The following CFI variants were observed in gnomAD, a reference collection of about 807,000 sequenced individuals.
CFI encodes the protein C3B/C4B inactivator.
CFI carries 66 observed loss-of-function variants against 78.8 expected under a neutral mutation model. The observed-to-expected ratio is 0.84, with a 90% CI of 0.69 to 1.03. CFI has a LOEUF of 1.03. Among genes scored for constraint, CFI ranks in the 50% least tolerant of loss-of-function variants. The probability of loss-of-function intolerance (pLI) is 0.00; values close to 1 mark genes in which losing one functional copy is unlikely to be tolerated. For synonymous variants in CFI, 250 were observed against 232.6 expected (o/e 1.07, Z -0.68); for missense variants, 706 against 704.5 (o/e 1.00, Z -0.02).
the CFI span, among the ~76,000 whole-genome samples, chr4:109,732,031 C>CAACTCTTCTTCAGAGA: frequency 6.6e-6 from 1 of 152,004 alleles, no homozygotes; most frequent in South Asian, 2.1e-4. Context: ...TTGGTTCTTA[C>CAACTCTTCTTCAGAGA]AACTCCCTAG....
chr4:109,778,253 A>G (rs888302157), intron 1 of CFI, among the ~76,000 whole-genome samples: 8 of 152,198 alleles, frequency 5.3e-5, no homozygotes, highest in Non-Finnish European at 4.4e-5. Context: ...AATAAAGAAG[A>G]AAAGAGAAGA....
In CFI at chr4:109,764,639, A is replaced by G. The variant is rs1560544544; in HGVS notation, c.380T>C (p.Val127Ala). 5 of 1,614,096 alleles carry G rather than the reference A, an allele frequency of 3.1e-6. No individual in the cohort carries two copies. The highest frequency in any genetic ancestry group is 1.7e-5 in the Admixed American group (1 of 60,012). ...KHGNTDSEGI[V>A]EVKLVDQDKT... ...ATCTTGGTCCACAAGTTTTACTTCA[A>G]CTATTCCCTCTGAATCTGTATTTCC... is the stretch of plus-strand genomic sequence containing the variant. Residue 127 changes from valine to alanine, a missense_variant, in exon 3 of 13, where the codon GTT becomes GCT. Transcript: ENST00000394634.
intron 1 of CFI, among the ~76,000 whole-genome samples, chr4:109,769,622 A>G (rs1579246917): frequency 6.6e-6 from 1 of 152,162 alleles, no homozygotes; most frequent in Non-Finnish European, 1.5e-5. Context: ...TACTGGGGAC[A>G]TTTGATGTCA....
downstream of CFI, among the ~76,000 whole-genome samples, chr4:109,735,747 G>A (rs1723337883): frequency 6.6e-6 from 1 of 152,218 alleles, no homozygotes; most frequent in Non-Finnish European, 1.5e-5. Context: ...GGGTAAAGCA[G>A]GAGGATCTTT....
chr4:109,775,891 C>G (rs562981812), intron 1 of CFI, among the ~76,000 whole-genome samples: 2 of 152,290 alleles, frequency 1.3e-5, no homozygotes, highest in South Asian at 4.1e-4. Flanking sequence ...TAGTGGACCT[C>G]CAGCAAACTC....
the CFI span, among the ~76,000 whole-genome samples, chr4:109,732,578 C>T: frequency 3.3e-5 from 5 of 152,242 alleles, no homozygotes; most frequent in African/African-American, 1.2e-4. Flanking sequence ...AAGGTGATGG[C>T]CGGGTGCGGT....
chr4:109,739,931 A>T (rs531241542), downstream of CFI, among the ~76,000 whole-genome samples: 11 of 152,312 alleles, frequency 7.2e-5, no homozygotes, highest in Middle Eastern at 3.4e-3. Context: ...GGATAGGTTT[A>T]GAGAGAGGGT....
intron 1 of CFI, among the ~76,000 whole-genome samples, chr4:109,795,048 A>C (rs1430295597): frequency 6.6e-6 from 1 of 152,166 alleles, no homozygotes; most frequent in Non-Finnish European, 1.5e-5. Flanking sequence ...TATGAGAAAA[A>C]ATTGAAAGGA....
Position 109,746,443 on chromosome 4 carries a change from T to C in CFI, c.1208A>G (p.Asp403Gly). The change falls in exon 11 of 13, where the codon GAC becomes GGC. Residue 403 changes from aspartate to glycine, a missense_variant. Coordinates refer to ENST00000394634, the MANE Select transcript of CFI (RefSeq NM_000204.5). ...GTATTCAATTACTATACGTTTAAGG[T>C]CGGGGTGTATCCAGTCTACTACTGT... ...WTTVVDWIHP[D>G]LKRIVIEYVD... 6.2e-7 allele frequency: 1 copy of C among 1,613,912 alleles called. No individual in the cohort carries two copies.
At chr4:109,742,649 A>T in intron 11 of CFI, 54 bp from the exon 12 acceptor site, 1 of 1,075,664 alleles carries the variant, frequency 9.3e-7, no homozygotes, top group Non-Finnish European at 1.4e-6. Context: ...AAATCTAAAT[A>T]CATACTCTCA....
chr4:109,753,484 TA>T (rs1561293609), intron 7 of CFI, among the ~76,000 whole-genome samples: 10 of 85,554 alleles, frequency 1.2e-4, no homozygotes, highest in African/African-American at 3.4e-4. Context: ...TAAATATTTA[TA>T]ATAAATATTT....
rs144811962 is a variant in CFI at position 109,773,801 on chromosome 4, C to T, written c.58-6977G>A. Reference sequence around the variant, plus strand: ...TGGCCCCAGACTAGTTGCACCAAAACCACCTGAGGCGCATCATCCTACAAA... The same window carrying T: ...TGGCCCCAGACTAGTTGCACCAAAATCACCTGAGGCGCATCATCCTACAAA... On this transcript the variant is annotated intron_variant, in intron 1 of 12. Transcript: ENST00000394634. Among the ~76,000 whole-genome samples, 234 of 152,298 alleles carry T rather than the reference C, an allele frequency of 1.5e-3. 1 individual carries two copies. Among genetic ancestry groups the T allele is most frequent in the Middle Eastern group, 3.4e-3 (1 of 294 alleles).
At chr4:109,797,724 C>A (rs183436234) in intron 1 of CFI, among the ~76,000 whole-genome samples, 1 of 152,064 alleles carries the variant, frequency 6.6e-6, no homozygotes, top group African/African-American at 2.4e-5. Context: ...AGCCAAGAAC[C>A]AAATAGTCTA....
At chr4:109,765,675 G>C (rs189657780) in intron 2 of CFI, among the ~76,000 whole-genome samples, 7 of 152,292 alleles carry the variant, frequency 4.6e-5, no homozygotes, top group Admixed American at 2.0e-4. Context: ...ACCTGGAAGG[G>C]ACTGTAGACA....
At chr4:109,795,742 T>A (rs10011911) in intron 1 of CFI, among the ~76,000 whole-genome samples, 28,010 of 151,954 alleles carry the variant, frequency 0.18, 4,950 homozygotes, top group African/African-American at 0.45. Flanking sequence ...AGAGAGCTCA[T>A]ACACCATACT....
chr4:109,757,868 T>C, intron 6 of CFI, 85 bp from the exon 7 acceptor site: 2 of 1,306,712 alleles, frequency 1.5e-6, no homozygotes, highest in Non-Finnish European at 1.1e-6. Flanking sequence ...ACATATATCA[T>C]GAAAACCATT....
In CFI at chr4:109,740,800, TC is replaced by T; in HGVS notation, c.*92del. 4.2e-6 allele frequency: 5 copies of T among 1,187,126 alleles called. No individual in the cohort carries two copies. The highest frequency in any genetic ancestry group is 2.4e-5 in the East Asian group (1 of 42,226). The allele number at this position is 1,187,126 out of a possible 1,614,324, so 73.5% of individuals were successfully genotyped here. A position where few individuals can be genotyped will look rare whatever the true frequency, so the allele number is the denominator to read the frequency against. On this transcript the variant is annotated 3_prime_UTR_variant, in exon 13 of 13. Coordinates refer to ENST00000394634, the MANE Select transcript of CFI (RefSeq NM_000204.5). ...TATCCAGTGAGATTTGCTTCATTTT[TC>T]CCCCCTAGAGAATTATTAATTATAC...
chr4:109,756,341 A>C (rs1222812184), intron 7 of CFI, among the ~76,000 whole-genome samples: 1 of 151,130 alleles, frequency 6.6e-6, no homozygotes, highest in Non-Finnish European at 1.5e-5. Flanking sequence ...GGAAAAAAGG[A>C]ATAGAGAAGA....
intron 1 of CFI, among the ~76,000 whole-genome samples, chr4:109,773,504 G>A (rs900571645): frequency 1.3e-5 from 2 of 152,176 alleles, no homozygotes; most frequent in Admixed American, 1.3e-4. Context: ...GACAGAGTAA[G>A]ATTCCGTCTC....
Sources: allele counts gnomAD v4.1 joint callset (sites outside exome capture counted in the v4.1 genomes callset), GRCh38; gene constraint gnomAD v4.1.1; transcripts MANE v1.5; gene names NCBI Gene and HGNC (gene_info 2026-07-23, HGNC 2026-07-21).